The following SWI5 variants were observed in gnomAD, a reference collection of about 807,000 sequenced individuals.
SWI5 encodes the protein DNA repair protein SWI5 homolog.
In SWI5, 12 loss-of-function variants were observed where a neutral mutation model predicts 17.0. The ratio of observed to expected loss-of-function variants is 0.71; its 90% CI spans 0.45 to 1.14. The LOEUF is 1.14. Ranked by LOEUF, SWI5 falls within the 50% of genes most tolerant of loss-of-function variation. SWI5 has a pLI of 0.00. For synonymous variants in SWI5, 61 were observed against 64.0 expected, an observed-to-expected ratio of 0.95 and a Z score of 0.22; for missense variants, 158 against 162.2, an observed-to-expected ratio of 0.97 and a Z score of 0.14.
chr9:128,280,079 T>G (rs1831510019), intron 2 of SWI5, among the ~76,000 whole-genome samples: 1 of 152,188 alleles, frequency 6.6e-6, no homozygotes, highest in African/African-American at 2.4e-5. Context: ...CATCTCTATA[T>G]CTAATTTGTG....
chr9:128,276,363 AC>A lies in SWI5; in HGVS notation c.28del (p.Leu10Ter), dbSNP rs1283304656. 6.2e-7 allele frequency: 1 copy of A among 1,612,726 alleles called. No individual in the cohort carries two copies. The highest frequency in any genetic ancestry group is 8.5e-7 in the Non-Finnish European group (1 of 1,179,608). On this transcript the variant is annotated frameshift_variant, in exon 1 of 5. Coordinates refer to ENST00000418976, the Ensembl canonical transcript of SWI5. LOFTEE classifies it high-confidence loss of function. The stretch of plus-strand genomic sequence containing the variant: ...GCGCTGGACCCTCTTGCGCCATTGA[AC>A]CCCCTGATCCGGGGGCCTCGGACCC...
At chr9:128,281,003 C>T (rs577264114) in intron 2 of SWI5, among the ~76,000 whole-genome samples, 18 of 139,116 alleles carry the variant, frequency 1.3e-4, no homozygotes, top group African/African-American at 3.7e-4. Context: ...AAAAAGGCTA[C>T]GTGTTCAATA....
In SWI5 at chr9:128,288,675, A is replaced by G. The variant is rs1271849228; in HGVS notation, c.352A>G (p.Lys118Glu). 9 of 1,614,182 alleles carry G rather than the reference A, an allele frequency of 5.6e-6. No individual in the cohort carries two copies. In the East Asian group the frequency reaches 1.6e-4, roughly 28 times the overall value. The change falls in exon 5 of 5, where the codon AAA becomes GAA. Residue 118 changes from lysine to glutamate, a missense_variant. Lys to Glu is a moderately conservative substitution (Grantham distance 56). Transcript: ENST00000418976. ...AGCTGTGATCCGAGGTGTCACCACC[A>G]AAGAGTTGTATCCAGAGTTTGGGCT... is the stretch of plus-strand genomic sequence containing the variant.
chr9:128,285,981 TCACG>T lies in SWI5; in HGVS notation c.277_280del (p.His93SerfsTer12). 6.2e-7 allele frequency: 1 copy of T among 1,614,112 alleles called. No individual in the cohort carries two copies. The highest frequency in any genetic ancestry group is 8.5e-7 in the Non-Finnish European group (1 of 1,179,968). On this transcript the variant is annotated frameshift_variant, in exon 4 of 5. Coordinates refer to ENST00000418976, the Ensembl canonical transcript of SWI5. LOFTEE classifies it high-confidence loss of function. This position sits in a 1 kb window ranked among gnomAD's most constrained non-coding sequence, Gnocchi z 4.8. ...AACTGGAGGACCACATTACCCAGCT[TCACG>T]AGTACAATGACATCAAGGATGTGGG... is the stretch of plus-strand genomic sequence containing the variant.
intron 2 of SWI5, 93 bp downstream of exon 2, chr9:128,276,848 C>A: frequency 7.7e-7 from 1 of 1,306,394 alleles, no homozygotes; most frequent in Non-Finnish European, 1.1e-6. Flanking sequence ...CAGCCAATCC[C>A]CGCTTGGCCC....
chr9:128,279,251 C>T (rs1831493717), intron 2 of SWI5, among the ~76,000 whole-genome samples: 1 of 152,132 alleles, frequency 6.6e-6, no homozygotes, highest in South Asian at 2.1e-4. Flanking sequence ...GCTTGGTGGG[C>T]GTTCTCCCCA....
At chr9:128,284,422 A>T in intron 2 of SWI5, 88 bp from the exon 3 acceptor site, 1 of 1,502,480 alleles carries the variant, frequency 6.7e-7, no homozygotes, top group African/African-American at 1.4e-5. Flanking sequence ...ATTAGCAAGC[A>T]GAAGCAGGGA....
At chr9:128,281,028 CTTTTTTTTTTTTTTTTTTT>C (rs11306272) in intron 2 of SWI5, among the ~76,000 whole-genome samples, 1 of 43,774 alleles carries the variant, frequency 2.3e-5, no homozygotes, top group South Asian at 1.1e-3. Context: ...TTCAACCATG[CTTTTTTTTTTTTTTTTTTT>C]TTTTTTTTTT....
At chr9:128,287,588 G>A (rs1368432216) in intron 4 of SWI5, among the ~76,000 whole-genome samples, 2 of 143,268 alleles carry the variant, frequency 1.4e-5, no homozygotes, top group Non-Finnish European at 3.0e-5. Flanking sequence ...GTTAGACTGG[G>A]TCTCACTGTG....
At chr9:128,279,836 G>A (rs1215095474) in intron 2 of SWI5, among the ~76,000 whole-genome samples, 1 of 152,118 alleles carries the variant, frequency 6.6e-6, no homozygotes, top group Non-Finnish European at 1.5e-5. Flanking sequence ...GGTAACGGGT[G>A]CCTTCCCAGA....
rs1831626405 is a variant in SWI5 at position 128,285,682 on chromosome 9, C to T, written c.234-257C>T. 6.6e-6 allele frequency among the ~76,000 whole-genome samples: 1 copy of T among 152,172 alleles called. No individual in the cohort carries two copies. The highest frequency in any genetic ancestry group is 1.5e-5 in the Non-Finnish European group (1 of 68,042). On this transcript the variant is annotated intron_variant, in intron 3 of 4. Coordinates refer to ENST00000418976, the Ensembl canonical transcript of SWI5. The surrounding 1 kb of genome is among the most constrained non-coding windows in gnomAD (Gnocchi z 4.8). Reference sequence around the variant, plus strand: ...CATCTGCGAGTCCCTCAGCTGTGGCCAGGGTCACATGGTACCACTGTGGCT... The same window carrying T: ...CATCTGCGAGTCCCTCAGCTGTGGCTAGGGTCACATGGTACCACTGTGGCT...
At position 128,285,234 on chromosome 9, in the gene SWI5, AG is replaced by A. The variant is rs1277360738; in HGVS notation, c.233+606del. Among the ~76,000 whole-genome samples the A allele has an allele frequency of 2.0e-5, 3 of 149,866 alleles. No homozygotes were observed. The East Asian group carries it at 6.1e-4, about 30-fold the overall frequency. ...AAAAAGGAAGGAAGGAAAGAAAGGA[AG>A]GGAAAGAAGGAAAGGGGGGAAGGAA... On this transcript the variant is annotated intron_variant, in intron 3 of 4. Transcript: ENST00000418976. The surrounding 1 kb of genome is among the most constrained non-coding windows in gnomAD (Gnocchi z 4.8).
chr9:128,286,868 G>A (rs748515579), intron 4 of SWI5, among the ~76,000 whole-genome samples: 95 of 152,028 alleles, frequency 6.2e-4, no homozygotes, highest in African/African-American at 1.9e-4. Context: ...AAGCTCAGCC[G>A]GGCGCAGTGG....
chr9:128,283,925 C>T (rs1831586059), intron 2 of SWI5, among the ~76,000 whole-genome samples: 1 of 151,130 alleles, frequency 6.6e-6, no homozygotes, highest in South Asian at 2.1e-4. Flanking sequence ...CCCAGGAGTT[C>T]GAGGTTGCAG....
upstream of SWI5, chr9:128,275,439 G>C (rs1020860356): frequency 3.1e-6 from 4 of 1,303,918 alleles, no homozygotes; most frequent in Non-Finnish European, 3.9e-6. Context: ...CCAGGACCCA[G>C]GTCCTTGGAG....
chr9:128,284,802 A>G (rs1458689032), intron 3 of SWI5, among the ~76,000 whole-genome samples, 171 bp downstream of exon 3: 3 of 152,064 alleles, frequency 2.0e-5, no homozygotes, highest in African/African-American at 7.2e-5. Flanking sequence ...CTAAAAATAC[A>G]AAAAATAGCT....
intron 2 of SWI5, among the ~76,000 whole-genome samples, chr9:128,283,732 A>T (rs1315813490): frequency 1.3e-5 from 2 of 152,214 alleles, no homozygotes; most frequent in Admixed American, 6.5e-5. Flanking sequence ...GTACCTTATC[A>T]TCCAAGATAG....
chr9:128,286,543 A>G (rs951885667), intron 4 of SWI5: 1 of 156,680 alleles, frequency 6.4e-6, no homozygotes, highest in Non-Finnish European at 1.4e-5. Flanking sequence ...GGCCCCTACA[A>G]ACCCTTCAGT....
At chr9:128,276,435 C>T (rs1831379576) in intron 1 of SWI5, 33 bp downstream of exon 1, 1 of 1,607,558 alleles carries the variant, frequency 6.2e-7, no homozygotes, top group Admixed American at 1.7e-5. Flanking sequence ...AGTTTCTTTC[C>T]TGACTCCTCA....
Sources: gnomAD v4.1 joint callset for allele counts (sites outside exome capture counted in the v4.1 genomes callset) on GRCh38, gnomAD v4.1.1 for gene constraint, Gnocchi (gnomAD v3.1) non-coding constraint, MANE v1.5 for transcripts, NCBI Gene and HGNC (gene_info 2026-07-23, HGNC 2026-07-21) for gene names.